LIMCH1: variants seen among roughly 807,000 people sequenced by gnomAD.
LIMCH1 encodes LIM and calponin homology domains-containing protein 1.
Under a neutral mutation model 176.5 loss-of-function variants are expected in LIMCH1, and 113 were observed. The ratio of observed to expected loss-of-function variants is 0.64; its 90% CI spans 0.55 to 0.75. The LOEUF is 0.75. LIMCH1 is among the 30% of genes least tolerant of loss of function. LIMCH1 has a pLI of 0.00. For synonymous variants in LIMCH1, 619 were observed against 645.9 expected (o/e 0.96, Z 0.63); for missense variants, 1,674 against 1,814.9 (o/e 0.92, Z 1.41).
intron 17 of LIMCH1, 49 bp from the exon 18 acceptor site, chr4:41,650,344 T>C (rs2094239312): frequency 7.5e-7 from 1 of 1,330,084 alleles, no homozygotes; most frequent in African/African-American, 1.5e-5. Flanking sequence ...GTTACAGTCT[T>C]TGATTGGGGT....
At chr4:41,589,877 A>G (rs1185316729) in intron 1 of LIMCH1, among the ~76,000 whole-genome samples, 1 of 152,136 alleles carries the variant, frequency 6.6e-6, no homozygotes, top group Non-Finnish European at 1.5e-5. Flanking sequence ...CTCTAAATAT[A>G]GAGTGCTCCC....
intron 6 of LIMCH1, chr4:41,619,737 G>T: frequency 7.0e-6 from 3 of 425,648 alleles, no homozygotes; most frequent in East Asian, 8.2e-5. Flanking sequence ...TGTCATCCTT[G>T]TCCTTCTGCG....
At chr4:41,620,942 A>G (rs370528648) in intron 7 of LIMCH1, among the ~76,000 whole-genome samples, 1 of 152,200 alleles carries the variant, frequency 6.6e-6, no homozygotes, top group Non-Finnish European at 1.5e-5. Context: ...TGTCTTTGTC[A>G]TGTATTTGTG....
chr4:41,568,821 A>G (rs1312831617), intron 1 of LIMCH1, among the ~76,000 whole-genome samples: 6 of 152,204 alleles, frequency 3.9e-5, no homozygotes, highest in Non-Finnish European at 8.8e-5. Context: ...TCAAATTTCT[A>G]GACATGTTAT....
chr4:41,651,830 A>G (rs778283919), intron 18 of LIMCH1, among the ~76,000 whole-genome samples: 3 of 152,268 alleles, frequency 2.0e-5, no homozygotes, highest in Non-Finnish European at 4.4e-5. Flanking sequence ...AGTGAACTCA[A>G]AATAACATGA....
At chr4:41,528,910 A>G (rs1362301073) in intron 3 of LIMCH1, among the ~76,000 whole-genome samples, 1 of 152,222 alleles carries the variant, frequency 6.6e-6, no homozygotes, top group Non-Finnish European at 1.5e-5. Flanking sequence ...AGGTGTTAAA[A>G]CAAAGTAGTT....
chr4:41,497,001 C>G (rs1203884259), intron 2 of LIMCH1, among the ~76,000 whole-genome samples: 1 of 152,180 alleles, frequency 6.6e-6, no homozygotes, highest in Non-Finnish European at 1.5e-5. Flanking sequence ...TATGAGGACT[C>G]TCTACAATTT....
At chr4:41,634,936 C>T (rs754667319) in intron 13 of LIMCH1, among the ~76,000 whole-genome samples, 7 of 152,168 alleles carry the variant, frequency 4.6e-5, no homozygotes, top group Non-Finnish European at 5.9e-5. Context: ...ACCCTGGATC[C>T]GCGGGCTTCT....
chr4:41,633,198 G>C (rs1585106533), intron 12 of LIMCH1, 113 bp downstream of exon 12: 1 of 738,992 alleles, frequency 1.4e-6, no homozygotes, highest in Non-Finnish European at 2.2e-6. Flanking sequence ...GACTGATAGA[G>C]CGTGGAGTAA....
chr4:41,581,320 A>T (rs1317814083), intron 1 of LIMCH1, among the ~76,000 whole-genome samples: 2 of 152,178 alleles, frequency 1.3e-5, no homozygotes, highest in Non-Finnish European at 2.9e-5. Context: ...AACACTTAAG[A>T]TCTACTCTCC....
At chr4:41,468,319 G>C in intron 1 of LIMCH1, among the ~76,000 whole-genome samples, 1 of 66,106 alleles carries the variant, frequency 1.5e-5, no homozygotes. Context: ...GCCCTGCCCT[G>C]CCTTCCCTGC....
chr4:41,653,660 A>G (rs780288809), intron 18 of LIMCH1, among the ~76,000 whole-genome samples: 3 of 152,246 alleles, frequency 2.0e-5, no homozygotes, highest in Non-Finnish European at 2.9e-5. Flanking sequence ...AGGAGCATGA[A>G]TTCAGGAATG....
At chr4:41,691,306 C>T (rs1725435871) in intron 30 of LIMCH1, among the ~76,000 whole-genome samples, 1 of 152,092 alleles carries the variant, frequency 6.6e-6, no homozygotes. Flanking sequence ...AGGCTGGCAC[C>T]CACACCAACT....
chr4:41,571,589 G>T (rs1454724928), intron 1 of LIMCH1, among the ~76,000 whole-genome samples: 1 of 152,118 alleles, frequency 6.6e-6, no homozygotes, highest in Non-Finnish European at 1.5e-5. Flanking sequence ...TGGAAACAAT[G>T]AATTTATAAG....
At chr4:41,501,070 G>A (rs1163812084) in intron 2 of LIMCH1, among the ~76,000 whole-genome samples, 1 of 152,186 alleles carries the variant, frequency 6.6e-6, no homozygotes, top group Non-Finnish European at 1.5e-5. Flanking sequence ...GGGGCTCCGG[G>A]TGAGGTCACT....
chr4:41,544,132 C>T (rs1288076137), intron 1 of LIMCH1, among the ~76,000 whole-genome samples: 1 of 151,788 alleles, frequency 6.6e-6, no homozygotes, highest in Non-Finnish European at 1.5e-5. Flanking sequence ...ATGCTGGATG[C>T]TTTACGTGTT....
At chr4:41,446,891 T>A (rs2063340184) in intron 1 of LIMCH1, among the ~76,000 whole-genome samples, 1 of 152,148 alleles carries the variant, frequency 6.6e-6, no homozygotes, top group African/African-American at 2.4e-5. Context: ...CTGGTATAGA[T>A]CAGTGTCGTG....
At chr4:41,466,249 G>A (rs946744933) in intron 1 of LIMCH1, among the ~76,000 whole-genome samples, 4 of 152,256 alleles carry the variant, frequency 2.6e-5, no homozygotes, top group Non-Finnish European at 4.4e-5. Context: ...GAGCCACTGC[G>A]CCCATCCAGT....
chr4:41,453,122 A>G (rs1180309844), intron 1 of LIMCH1, among the ~76,000 whole-genome samples: 1 of 152,226 alleles, frequency 6.6e-6, no homozygotes, highest in Non-Finnish European at 1.5e-5. Flanking sequence ...GGACTGCAGC[A>G]AACAAGAGGA....
Sources: gnomAD v4.1 joint callset for allele counts (sites outside exome capture counted in the v4.1 genomes callset) on GRCh38, gnomAD v4.1.1 for gene constraint, MANE v1.5 for transcripts, NCBI Gene and HGNC (gene_info 2026-07-23, HGNC 2026-07-21) for gene names.